The following TPO variants were observed in gnomAD, a reference collection of about 807,000 sequenced individuals.
The protein encoded by TPO is thyroid microsomal antigen.
Under a neutral mutation model 96.9 loss-of-function variants are expected in TPO, and 78 were observed. That is an observed-to-expected ratio of 0.81 (90% CI 0.67 to 0.97). The LOEUF is 0.97. Ranked by LOEUF, TPO falls within the 50% of genes least tolerant of loss-of-function variation. The probability of loss-of-function intolerance (pLI) is 0.00; values close to 1 mark genes in which losing one functional copy is unlikely to be tolerated. For synonymous variants in TPO, 547 were observed against 538.0 expected (o/e 1.02, Z -0.23); for missense variants, 1,252 against 1,274.8 (o/e 0.98, Z 0.27).
intron 9 of TPO, among the ~76,000 whole-genome samples, chr2:1,485,233 C>T (rs1296917583): frequency 2.0e-5 from 3 of 152,148 alleles, no homozygotes; most frequent in African/African-American, 7.2e-5. Flanking sequence ...AGGACATGAA[C>T]TCATCGTTTT....
At chr2:1,477,907 C>G (rs1441512395) in intron 8 of TPO, 1 of 985,274 alleles carries the variant, frequency 1.0e-6, no homozygotes, top group Non-Finnish European at 1.2e-6. Context: ...TGGTGATTAT[C>G]CCACCAAGAC....
chr2:1,484,261 C>A (rs1000896600), intron 8 of TPO, among the ~76,000 whole-genome samples: 4 of 152,214 alleles, frequency 2.6e-5, no homozygotes, highest in African/African-American at 9.6e-5. Context: ...AGGAACTGCT[C>A]CCCACTGTCA....
At chr2:1,524,434 C>A (rs1353551401) in intron 15 of TPO, among the ~76,000 whole-genome samples, 1 of 109,564 alleles carries the variant, frequency 9.1e-6, no homozygotes, top group Non-Finnish European at 1.9e-5. Context: ...TGCAACCCCC[C>A]CAAATCCCCC....
rs182789313 is a variant in TPO, at chr2:1,484,328, A to C, written c.1339-268A>C. 9.8e-3 allele frequency among the ~76,000 whole-genome samples: 1,500 copies of C among 152,324 alleles called. 27 individuals carry two copies. Among genetic ancestry groups the C allele is most frequent in the African/African-American group, 0.034 (1,425 of 41,570 alleles). ...TGGCCCGGTGGCCATTGTTGGCTCG[A>C]CAGAGGTGCTGTCTCTTGCCACTGC... On this transcript the variant is annotated intron_variant, in intron 8 of 16. Coordinates refer to ENST00000329066, the MANE Select transcript of TPO (RefSeq NM_001206744.2).
chr2:1,522,119 G>A (rs1197303087), intron 15 of TPO, among the ~76,000 whole-genome samples: 1 of 90,264 alleles, frequency 1.1e-5, no homozygotes, highest in African/African-American at 4.4e-5. Context: ...CTCTCTACCC[G>A]ACACCGGCCC....
intron 11 of TPO, 134 bp from the exon 12 acceptor site, chr2:1,495,855 C>T (rs1405478530): frequency 6.1e-6 from 6 of 976,758 alleles, no homozygotes; most frequent in Non-Finnish European, 9.3e-6. Flanking sequence ...ACCTGTGTGG[C>T]CCCGGGTGCT....
intron 3 of TPO, among the ~76,000 whole-genome samples, chr2:1,431,527 T>C (rs149011812): frequency 3.9e-4 from 59 of 152,342 alleles, no homozygotes; most frequent in Admixed American, 7.2e-4. Context: ...GTATTTCCGA[T>C]GTGCAAAATG....
At chr2:1,457,781 G>C (rs1283306097) in intron 7 of TPO, among the ~76,000 whole-genome samples, 2 of 152,118 alleles carry the variant, frequency 1.3e-5, no homozygotes, top group Non-Finnish European at 2.9e-5. Flanking sequence ...CACATCACAG[G>C]TGGGCTCGTG....
At chr2:1,378,265 C>G (rs569215412) in intron 1 of TPO, among the ~76,000 whole-genome samples, 1 of 152,202 alleles carries the variant, frequency 6.6e-6, no homozygotes, top group Non-Finnish European at 1.5e-5. Flanking sequence ...AGTGCCCTTA[C>G]GTTGCTGGAG....
rs1573259451 is a variant in TPO, at chr2:1,456,096, T to C, written c.633T>C (p.His211=). 2 of 1,613,956 alleles carry C rather than the reference T, an allele frequency of 1.2e-6. No individual in the cohort carries two copies. Among genetic ancestry groups the C allele is most frequent in the African/African-American group, 1.3e-5 (1 of 75,036 alleles). Residue 211 remains histidine (H), a synonymous_variant, in exon 7 of 17, where the codon CAT becomes CAC. Transcript: ENST00000329066. The part of the protein sequence containing the change: ...PLPPVREVTR[H]VIQVSNEVVT... ...CCCAGGTCCGGGAGGTGACAAGACA[T>C]GTCATTCAAGTTTCAAATGAGGTTG...
intron 8 of TPO, chr2:1,478,087 G>C: frequency 1.0e-6 from 1 of 985,484 alleles, no homozygotes; most frequent in Non-Finnish European, 1.2e-6. Context: ...AGACAGTGCA[G>C]TGAATGAAGA....
rs1050161414 is a variant in TPO, at chr2:1,502,928, C to G, written c.2387-1020C>G. Among the ~76,000 whole-genome samples the G allele has an allele frequency of 3.9e-5, 6 of 152,228 alleles. No individual in the cohort carries two copies. In the South Asian group the frequency reaches 6.2e-4, roughly 16 times the overall value. ...AGTCCCATCCAATGCAGCCCCTCACCCTGGGGAGCAGGTGGCCAGCCGACC... is the reference window on the plus strand; with the variant it reads ...AGTCCCATCCAATGCAGCCCCTCACGCTGGGGAGCAGGTGGCCAGCCGACC... On this transcript the variant is annotated intron_variant, in intron 13 of 16. Coordinates refer to ENST00000329066, the MANE Select transcript of TPO (RefSeq NM_001206744.2).
rs777683951 is a variant in TPO, at chr2:1,456,089, C to T, written c.626C>T (p.Thr209Ile). 11 of 1,613,760 alleles carry T rather than the reference C, an allele frequency of 6.8e-6. No individual in the cohort carries two copies. The highest frequency in any genetic ancestry group is 1.3e-5 in the African/African-American group (1 of 74,922). Residue 209 changes from threonine to isoleucine, a missense_variant, in exon 7 of 17, where the codon ACA (threonine) becomes ATA (isoleucine). By Grantham distance (89) the Thr-to-Ile change is moderately conservative. Coordinates refer to ENST00000329066, the MANE Select transcript of TPO (RefSeq NM_001206744.2). ...CTTCCTACCCAGGTCCGGGAGGTGACAAGACATGTCATTCAAGTTTCAAAT... is the reference window on the plus strand; with the variant it reads ...CTTCCTACCCAGGTCCGGGAGGTGATAAGACATGTCATTCAAGTTTCAAAT... ...GFPLPPVREV[T>I]RHVIQVSNEV...
intron 2 of TPO, among the ~76,000 whole-genome samples, chr2:1,415,173 C>T (rs1662781660): frequency 6.9e-6 from 1 of 145,042 alleles, no homozygotes; most frequent in Non-Finnish European, 1.5e-5. Context: ...GCAGGTGACA[C>T]CTCGCCGGGC....
chr2:1,535,825 TCAAATCCCCAAACTGTGTGCAACCTC>T lies in TPO; in HGVS notation c.2619-4767_2619-4742del, dbSNP rs1558436875. On this transcript the variant is annotated intron_variant, in intron 15 of 16. Transcript: ENST00000329066. ...ATCCCTCCCACTGTGTGCAACCTGC[TCAAATCCCCAAACTGTGTGCAACCTC>T]CCCGAATCCCCCCAACTTTGTGCAA... Among the ~76,000 whole-genome samples, 4 of 63,718 alleles carry T rather than the reference TCAAATCCCCAAACTGTGTGCAACCTC, an allele frequency of 6.3e-5. 1 individual carries two copies. The highest frequency in any genetic ancestry group is 8.2e-4 in the South Asian group (1 of 1,220). The allele number at this position is 63,718 out of a possible 152,430, so 41.8% of individuals were successfully genotyped here.
intron 10 of TPO, among the ~76,000 whole-genome samples, chr2:1,493,215 G>T (rs1367494943): frequency 2.4e-5 from 3 of 123,122 alleles, no homozygotes; most frequent in Non-Finnish European, 3.5e-5. Flanking sequence ...TGGGTGGGGG[G>T]GGGGGTGCTG....
rs76477391 is a variant in TPO, at chr2:1,419,002, T to C, written c.95-4043T>C. On this transcript the variant is annotated intron_variant, in intron 2 of 16. Coordinates refer to ENST00000329066, the MANE Select transcript of TPO (RefSeq NM_001206744.2). ...GAAGAAAGATTTTGGCTTTCATATATATATTTAACATAAACAGCCTTTGGA... is the reference window on the plus strand; with the variant it reads ...GAAGAAAGATTTTGGCTTTCATATACATATTTAACATAAACAGCCTTTGGA... Among the ~76,000 whole-genome samples, 292 of 152,340 alleles carry C rather than the reference T, an allele frequency of 1.9e-3. 9 individuals carry two copies. The East Asian group carries it at 0.051, about 27-fold the overall frequency.
At chr2:1,497,313 C>T (rs1161609408) in intron 13 of TPO, among the ~76,000 whole-genome samples, 1 of 152,202 alleles carries the variant, frequency 6.6e-6, no homozygotes, top group African/African-American at 2.4e-5. Flanking sequence ...CAGCCGTGGG[C>T]CACTTCCACC....
At chr2:1,413,679 T>C (rs560918408) in intron 1 of TPO, 134 bp downstream of exon 1, 1 of 985,500 alleles carries the variant, frequency 1.0e-6, no homozygotes, top group Non-Finnish European at 1.2e-6. Context: ...CAAAGCTGAC[T>C]GACTGACTGA....
Sources: allele counts gnomAD v4.1 joint callset (sites outside exome capture counted in the v4.1 genomes callset), GRCh38; gene constraint gnomAD v4.1.1; transcripts MANE v1.5; gene names NCBI Gene and HGNC (gene_info 2026-07-23, HGNC 2026-07-21).